Variants in CTNNA2 observed in about 807,000 individuals in gnomAD.
CTNNA2 encodes the protein catenin alpha 2.
CTNNA2 carries 42 observed loss-of-function variants against 101.0 expected under a neutral mutation model. The ratio of observed to expected loss-of-function variants is 0.42; its 90% CI spans 0.32 to 0.54. The LOEUF is 0.54. Among genes scored for constraint, CTNNA2 ranks in the 20% least tolerant of loss-of-function variants. The pLI, the probability that CTNNA2 is intolerant of heterozygous loss-of-function variation, is 0.14. For missense variants in CTNNA2, 871 were observed against 1,223.1 expected (o/e 0.71, Z 4.29); for synonymous variants, 450 against 456.4 (o/e 0.99, Z 0.18).
intron 7 of CTNNA2, among the ~76,000 whole-genome samples, chr2:80,248,599 C>T (rs935617432): frequency 6.6e-6 from 1 of 152,186 alleles, no homozygotes; most frequent in Non-Finnish European, 1.5e-5. Flanking sequence ...CTGCCGTCTT[C>T]CAACCACTGT....
intron 1 of CTNNA2, among the ~76,000 whole-genome samples, chr2:79,591,960 T>G (rs989563580): frequency 3.5e-4 from 53 of 151,548 alleles, no homozygotes; most frequent in Non-Finnish European, 2.4e-4. Context: ...TACATTCATT[T>G]AATTTTTTCT....
At chr2:79,714,296 A>G (rs1169799908) in intron 2 of CTNNA2, among the ~76,000 whole-genome samples, 2 of 151,986 alleles carry the variant, frequency 1.3e-5, no homozygotes, top group African/African-American at 2.4e-5. Context: ...TATATTTAAC[A>G]TTATGTGTTG....
In CTNNA2 at chr2:79,337,236, T is replaced by C. The variant is rs1013558586; in HGVS notation, c.-318+24440T>C. Among the ~76,000 whole-genome samples the C allele has an allele frequency of 3.3e-5, 5 of 152,220 alleles. No individual in the cohort carries two copies. In the East Asian group the frequency reaches 9.6e-4, roughly 29 times the overall value. ...ACATAAGTCTGTAACTGACCCAAGA[T>C]AGGAAAGAAAATGGGTACAAGTATC... On this transcript the variant is annotated intron_variant, in intron 3 of 21. Transcript: ENST00000466387.
In CTNNA2 at chr2:79,315,423, C is replaced by T. The variant is rs1480334736; in HGVS notation, c.-318+2627C>T. On this transcript the variant is annotated intron_variant, in intron 3 of 21. Coordinates refer to the CTNNA2 transcript ENST00000466387. ...TTATTTCTCCTCATCTTTATCCAGCCATAAGCAATCACTAAGCTACTTGTC... is the reference window on the plus strand; with the variant it reads ...TTATTTCTCCTCATCTTTATCCAGCTATAAGCAATCACTAAGCTACTTGTC... 2.0e-5 allele frequency among the ~76,000 whole-genome samples: 3 copies of T among 152,128 alleles called. No individual in the cohort carries two copies. In the South Asian group the frequency reaches 6.2e-4, roughly 32 times the overall value.
At chr2:80,496,395 C>CTTTTTTTTTTTTT (rs34221173) in intron 9 of CTNNA2, among the ~76,000 whole-genome samples, 3 of 131,736 alleles carry the variant, frequency 2.3e-5, no homozygotes, top group Admixed American at 7.7e-5. Flanking sequence ...TCTTCACTGT[C>CTTTTTTTTTTTTT]TTTTTTTTTT....
At chr2:80,517,484 G>C (rs1307988627) in intron 9 of CTNNA2, among the ~76,000 whole-genome samples, 1 of 152,174 alleles carries the variant, frequency 6.6e-6, no homozygotes, top group African/African-American at 2.4e-5. Flanking sequence ...GCTGTGCACT[G>C]TTCTGCTGGC....
chr2:80,217,800 A>G (rs1006311084), intron 7 of CTNNA2, among the ~76,000 whole-genome samples: 5 of 151,424 alleles, frequency 3.3e-5, no homozygotes, highest in Non-Finnish European at 1.5e-5. Flanking sequence ...AAATGGGGAG[A>G]GGGGTTCAGG....
intron 7 of CTNNA2, among the ~76,000 whole-genome samples, chr2:80,033,180 A>C (rs751058391): frequency 3.0e-4 from 45 of 150,776 alleles, no homozygotes; most frequent in Non-Finnish European, 5.0e-4. Context: ...ACACACAAAA[A>C]CCCCCCAAAA....
intron 7 of CTNNA2, among the ~76,000 whole-genome samples, chr2:80,351,747 AGGC>A (rs1673315179): frequency 6.6e-6 from 1 of 152,110 alleles, no homozygotes; most frequent in South Asian, 2.1e-4. Context: ...TCTTCAAAAC[AGGC>A]GTGATGCTCT....
At chr2:79,834,631 A>T (rs1406025448) in intron 3 of CTNNA2, among the ~76,000 whole-genome samples, 2 of 36,238 alleles carry the variant, frequency 5.5e-5, no homozygotes, top group Admixed American at 5.1e-4. Context: ...TTTGTATTTT[A>T]TGTACTATTT....
chr2:80,386,775 G>T (rs1368002755), intron 7 of CTNNA2, among the ~76,000 whole-genome samples: 1 of 152,152 alleles, frequency 6.6e-6, no homozygotes, highest in Non-Finnish European at 1.5e-5. Context: ...ATGATATTTT[G>T]AAGATTCCTT....
At chr2:80,090,891 A>C (rs931561330) in intron 7 of CTNNA2, among the ~76,000 whole-genome samples, 2 of 151,964 alleles carry the variant, frequency 1.3e-5, no homozygotes, top group African/African-American at 2.4e-5. Flanking sequence ...TTTTTTTTAC[A>C]TTGGATTTTC....
chr2:80,307,736 A>G (rs1677165190), intron 7 of CTNNA2, among the ~76,000 whole-genome samples: 1 of 152,220 alleles, frequency 6.6e-6, no homozygotes, highest in African/African-American at 2.4e-5. Flanking sequence ...AGGGGAAGGA[A>G]CCTGAGCTCA....
At chr2:80,641,780 C>T (rs1673519590) in intron 18 of CTNNA2, among the ~76,000 whole-genome samples, 1 of 143,404 alleles carries the variant, frequency 7.0e-6, no homozygotes, top group Non-Finnish European at 1.6e-5. Flanking sequence ...TTAAAAATAT[C>T]TTAGATTATT....
chr2:80,462,415 G>T (rs80335425), intron 9 of CTNNA2, among the ~76,000 whole-genome samples: 2,690 of 152,172 alleles, frequency 0.018, 81 homozygotes, highest in African/African-American at 0.06. Flanking sequence ...GTTTGAGGTT[G>T]TATAGATATT....
intron 9 of CTNNA2, among the ~76,000 whole-genome samples, chr2:80,459,587 G>A (rs1423977653): frequency 4.6e-5 from 7 of 152,138 alleles, no homozygotes; most frequent in Non-Finnish European, 1.0e-4. Flanking sequence ...AAGGGAGTCT[G>A]TTGAAAGTGG....
chr2:80,375,562 C>CTTTTT (rs199662476), intron 7 of CTNNA2, among the ~76,000 whole-genome samples: 3,468 of 105,448 alleles, frequency 0.033, 336 homozygotes, highest in African/African-American at 0.11. Flanking sequence ...TTTCTGGCTT[C>CTTTTT]TTTTTTTTTT....
chr2:79,682,878 A>G (rs997222768), intron 2 of CTNNA2, among the ~76,000 whole-genome samples: 3 of 152,256 alleles, frequency 2.0e-5, no homozygotes, highest in African/African-American at 7.2e-5. Flanking sequence ...TTGTGGGTTC[A>G]CTAGCAAGAG....
At chr2:80,040,528 C>T (rs572982789) in intron 7 of CTNNA2, among the ~76,000 whole-genome samples, 1 of 152,238 alleles carries the variant, frequency 6.6e-6, no homozygotes, top group East Asian at 1.9e-4. Context: ...TGCATTTTCA[C>T]CTTCACCATT....
Sources: gnomAD v4.1 joint callset for allele counts (sites outside exome capture counted in the v4.1 genomes callset) on GRCh38, gnomAD v4.1.1 for gene constraint, MANE v1.5 for transcripts, NCBI Gene and HGNC (gene_info 2026-07-23, HGNC 2026-07-21) for gene names.